Variants in ZNF143 observed in about 807,000 individuals in gnomAD.
ZNF143 encodes SPH-binding factor.
A neutral mutation model predicts 74.1 loss-of-function variants in ZNF143; 49 were observed. The ratio of observed to expected loss-of-function variants is 0.66; its 90% CI spans 0.53 to 0.84. The LOEUF (loss-of-function observed/expected upper bound fraction) is 0.84. Among genes scored for constraint, ZNF143 ranks in the 40% least tolerant of loss-of-function variants. The pLI, the probability that ZNF143 is intolerant of heterozygous loss-of-function variation, is 0.00. For synonymous variants in ZNF143, 304 were observed against 282.8 expected, an observed-to-expected ratio of 1.07 and a Z score of -0.75; for missense variants, 637 against 793.4, an observed-to-expected ratio of 0.80 and a Z score of 2.37.
intron 5 of ZNF143, among the ~76,000 whole-genome samples, chr11:9,475,940 GTGTGTGTGTGTGTGTA>G (rs1856860226): frequency 6.9e-6 from 1 of 145,432 alleles, no homozygotes; most frequent in African/African-American, 2.5e-5. Context: ...GTGTGTGTGT[GTGTGTGTGTGTGTGTA>G]TAAAATTTTT....
Position 9,505,205 on chromosome 11 carries a change from G to A in ZNF143, c.1148-3414G>A, listed in dbSNP as rs531763466. 9.5e-5 allele frequency among the ~76,000 whole-genome samples: 7 copies of A among 74,054 alleles called. 1 individual carries two copies. Among genetic ancestry groups the A allele is most frequent in the East Asian group, 4.1e-4 (1 of 2,460 alleles). 48.6% of individuals were successfully genotyped at this position (74,054 alleles called of 152,430 possible). ...GCCAGGATGGTCTCCATCTCCTGAC[G>A]TTGTGATCCACCCACCTTGGCCTCC... On this transcript the variant is annotated intron_variant, in intron 11 of 15. Coordinates refer to ENST00000396602, the MANE Select transcript of ZNF143 (RefSeq NM_003442.6).
intron 12 of ZNF143, 31 bp from the exon 13 acceptor site, chr11:9,512,417 G>C (rs1240077644): frequency 3.1e-6 from 5 of 1,592,802 alleles, no homozygotes; most frequent in Non-Finnish European, 2.6e-6. Flanking sequence ...TGGTTGGTTG[G>C]TCAAATAAAT....
intron 1 of ZNF143, 45 bp downstream of exon 1, chr11:9,461,121 C>A: frequency 1.0e-6 from 1 of 981,552 alleles, no homozygotes; most frequent in African/African-American, 1.7e-5. Context: ...TTATTCTCCG[C>A]CTGGCCGCCG....
At chr11:9,486,832 C>G (rs1411779728) in intron 7 of ZNF143, among the ~76,000 whole-genome samples, 2 of 149,704 alleles carry the variant, frequency 1.3e-5, no homozygotes, top group Non-Finnish European at 2.9e-5. Context: ...CCACGCCTGG[C>G]TAATTTTTTG....
chr11:9,463,809 A>G (rs1856015632), intron 1 of ZNF143: 1 of 150,618 alleles, frequency 6.6e-6, no homozygotes, highest in African/African-American at 2.4e-5. Context: ...CCTCTACTAC[A>G]TGGTTTTATT....
At chr11:9,498,917 G>A (rs577710082) in intron 10 of ZNF143, among the ~76,000 whole-genome samples, 2 of 152,244 alleles carry the variant, frequency 1.3e-5, no homozygotes, top group East Asian at 3.9e-4. Flanking sequence ...TTACAACATT[G>A]AGGAACAGAG....
intron 11 of ZNF143, among the ~76,000 whole-genome samples, chr11:9,507,189 A>G (rs1440676852): frequency 2.6e-5 from 4 of 152,130 alleles, no homozygotes; most frequent in Admixed American, 2.0e-4. Flanking sequence ...GTTTAGAACC[A>G]CTGCGAAAGG....
intron 1 of ZNF143, 133 bp from the exon 2 acceptor site, chr11:9,471,169 A>G (rs1037686646): frequency 1.5e-6 from 1 of 685,584 alleles, no homozygotes; most frequent in African/African-American, 1.8e-5. Context: ...TACCCTACAT[A>G]TTGAGTGAAA....
intron 14 of ZNF143, among the ~76,000 whole-genome samples, chr11:9,522,962 T>C (rs567931354): frequency 1.3e-5 from 2 of 151,622 alleles, no homozygotes; most frequent in South Asian, 4.2e-4. Context: ...AGAGGTGGGG[T>C]TTCACCATGT....
intron 1 of ZNF143, among the ~76,000 whole-genome samples, chr11:9,468,275 A>G (rs1264296222): frequency 2.0e-5 from 3 of 152,208 alleles, no homozygotes; most frequent in Non-Finnish European, 4.4e-5. Context: ...AGATCAAACC[A>G]TCACCAAAAT....
intron 11 of ZNF143, among the ~76,000 whole-genome samples, chr11:9,503,461 A>AG (rs1687722838): frequency 6.6e-6 from 1 of 152,162 alleles, no homozygotes; most frequent in African/African-American, 2.4e-5. Context: ...GCACCATTTT[A>AG]CAGTCTCATC....
chr11:9,502,752 C>G (rs1848213058), intron 11 of ZNF143, among the ~76,000 whole-genome samples: 1 of 152,090 alleles, frequency 6.6e-6, no homozygotes, highest in Non-Finnish European at 1.5e-5. Flanking sequence ...CCACCCCGCC[C>G]CCCAGGTGTA....
intron 5 of ZNF143, among the ~76,000 whole-genome samples, chr11:9,476,630 C>A (rs1257125484): frequency 6.6e-6 from 1 of 151,874 alleles, no homozygotes; most frequent in African/African-American, 2.4e-5. Flanking sequence ...CTTCAGCCTC[C>A]CAAAGTGCTG....
Position 9,516,286 on chromosome 11 carries a change from C to T in ZNF143, c.1610C>T (p.Ala537Val). ...GATGGCACGCCCATCACAGTCCCCGCCCATGATGCAGTCATCTCCTCAGCA... is the reference window on the plus strand; with the variant it reads ...GATGGCACGCCCATCACAGTCCCCGTCCATGATGCAGTCATCTCCTCAGCA... The part of the protein sequence containing the change: ...TQDGTPITVP[A>V]HDAVISSAGT... Residue 537 changes from alanine (A) to valine (V), a missense_variant, in exon 14 of 16, where the codon GCC (alanine) becomes GTC (valine). Coordinates refer to ENST00000396602, the MANE Select transcript of ZNF143 (RefSeq NM_003442.6). The T allele has an allele frequency of 6.2e-7, 1 of 1,614,048 alleles. No individual in the cohort carries two copies. Among genetic ancestry groups the T allele is most frequent in the Non-Finnish European group, 8.5e-7 (1 of 1,179,940 alleles).
At chr11:9,522,594 A>G (rs1053434722) in intron 14 of ZNF143, among the ~76,000 whole-genome samples, 2 of 152,130 alleles carry the variant, frequency 1.3e-5, no homozygotes, top group African/African-American at 4.8e-5. Flanking sequence ...CCCGGGTTCA[A>G]GCGATTCTCC....
intron 11 of ZNF143, among the ~76,000 whole-genome samples, chr11:9,501,499 T>C (rs1030680628): frequency 7.2e-5 from 11 of 152,192 alleles, no homozygotes; most frequent in Admixed American, 2.6e-4. Context: ...AGATAAGACA[T>C]TGTCAAGGGC....
At chr11:9,502,229 C>CA (rs1848190733) in intron 11 of ZNF143, among the ~76,000 whole-genome samples, 1 of 141,850 alleles carries the variant, frequency 7.0e-6, no homozygotes, top group Admixed American at 7.1e-5. Context: ...AGCCACCGCG[C>CA]CTGGCCATAT....
At position 9,478,539 on chromosome 11, in the gene ZNF143, A is replaced by G. The variant is rs1198666889; in HGVS notation, c.523A>G (p.Thr175Ala). Reference sequence around the variant, plus strand: ...GGCAGGTCTGCACACTGGGGATGCTACAATTGACCCTGACACCATCAGTGC... The same window carrying G: ...GGCAGGTCTGCACACTGGGGATGCTGCAATTGACCCTGACACCATCAGTGC... The part of the protein sequence containing the change: ...TVAGLHTGDA[T>A]IDPDTISALE... The change falls in exon 6 of 16, where the codon ACA becomes GCA. Residue 175 changes from threonine (T) to alanine (A), a missense_variant. Thr to Ala is a moderately conservative substitution (Grantham distance 58). Around this residue, in one of 2 missense-constraint regions of ZNF143, gnomAD observed 293 missense variants for 307.8 expected, o/e 0.95. Coordinates refer to ENST00000396602, the MANE Select transcript of ZNF143 (RefSeq NM_003442.6). 5.6e-6 allele frequency: 9 copies of G among 1,614,094 alleles called. No individual in the cohort carries two copies. The highest frequency in any genetic ancestry group is 1.7e-5 in the Admixed American group (1 of 60,004).
chr11:9,515,860 C>G (rs1357810894), intron 13 of ZNF143, among the ~76,000 whole-genome samples: 1 of 151,446 alleles, frequency 6.6e-6, no homozygotes, highest in Non-Finnish European at 1.5e-5. Flanking sequence ...TGGGTCATGC[C>G]TATAGTCAGA....
Sources: gnomAD v4.1 joint callset for allele counts (sites outside exome capture counted in the v4.1 genomes callset) on GRCh38, gnomAD v4.1.1 for gene constraint, gnomAD v4.1.1 regional missense constraint, MANE v1.5 for transcripts, NCBI Gene and HGNC (gene_info 2026-07-23, HGNC 2026-07-21) for gene names.